The following MACROD2 variants were observed in gnomAD, a reference collection of about 807,000 sequenced individuals.
MACROD2 encodes the protein ADP-ribose glycohydrolase MACROD2.
In MACROD2, 36 loss-of-function variants were observed where a neutral mutation model predicts 70.4. That is an observed-to-expected ratio of 0.51 (90% CI 0.39 to 0.68). MACROD2 has a LOEUF of 0.68. Among genes scored for constraint, MACROD2 ranks in the 30% least tolerant of loss-of-function variants. The probability of loss-of-function intolerance (pLI) is 0.00; values close to 1 mark genes in which losing one functional copy is unlikely to be tolerated. For synonymous variants in MACROD2, 172 were observed against 178.8 expected (o/e 0.96, Z 0.30); for missense variants, 496 against 538.4 (o/e 0.92, Z 0.78).
At chr20:14,780,733 CA>C (rs2072290496) in intron 5 of MACROD2, among the ~76,000 whole-genome samples, 1 of 151,822 alleles carries the variant, frequency 6.6e-6, no homozygotes, top group Non-Finnish European at 1.5e-5. Context: ...AGTAATGAAA[CA>C]AAAGTATGAG....
intron 12 of MACROD2, among the ~76,000 whole-genome samples, chr20:15,948,382 C>CAAAAAAAAAAAAAAAAAA (rs71192307): frequency 3.2e-4 from 14 of 43,136 alleles, no homozygotes; most frequent in East Asian, 6.4e-4. Flanking sequence ...CTTGCAACTG[C>CAAAAAAAAAAAAAAAAAA]AAAAAAAAAA....
intron 2 of MACROD2, among the ~76,000 whole-genome samples, chr20:14,033,058 T>A (rs2053263888): frequency 6.6e-6 from 1 of 151,256 alleles, no homozygotes; most frequent in East Asian, 1.9e-4. Flanking sequence ...AAAGTAGAGT[T>A]TAAATTTCTT....
Position 14,782,716 on chromosome 20 carries a change from C to T in MACROD2, c.418+97757C>T, listed in dbSNP as rs541976912. Among the ~76,000 whole-genome samples the T allele has an allele frequency of 1.3e-5, 2 of 152,144 alleles. 1 individual carries two copies. Among genetic ancestry groups the T allele is most frequent in the Non-Finnish European group, 2.9e-5 (2 of 68,032 alleles). On this transcript the variant is annotated intron_variant, in intron 5 of 17. Coordinates refer to ENST00000684519, the MANE Select transcript of MACROD2 (RefSeq NM_001351661.2). ...TGATGACCGCCTCTCTGCCCAACTT[C>T]TCCCTCTGCCCAGTCCTGCTTCCCT... is the stretch of plus-strand genomic sequence containing the variant.
chr20:15,697,093 G>A (rs1193232253), intron 8 of MACROD2, among the ~76,000 whole-genome samples: 1 of 151,998 alleles, frequency 6.6e-6, no homozygotes, highest in Non-Finnish European at 1.5e-5. Flanking sequence ...TTCGTCTGCG[G>A]GTTTGGGTTT....
chr20:16,010,029 T>C (rs1320474016), intron 15 of MACROD2, among the ~76,000 whole-genome samples: 5 of 152,244 alleles, frequency 3.3e-5, no homozygotes, highest in Non-Finnish European at 7.3e-5. Flanking sequence ...TAGATGATAA[T>C]GGCAGAAGTC....
chr20:15,330,586 T>C (rs751688311), intron 6 of MACROD2, among the ~76,000 whole-genome samples: 4 of 151,608 alleles, frequency 2.6e-5, no homozygotes, highest in Non-Finnish European at 4.4e-5. Flanking sequence ...CTATTTCAAG[T>C]TCTATTTCTA....
intron 10 of MACROD2, chr20:15,893,808 T>G (rs1427178165): frequency 2.2e-6 from 1 of 456,494 alleles, no homozygotes; most frequent in Non-Finnish European, 4.4e-6. Context: ...TCAGGTTGGG[T>G]CTTGAGGGAA....
chr20:14,513,794 CAAAT>C (rs2123154996), intron 4 of MACROD2, among the ~76,000 whole-genome samples: 1 of 152,110 alleles, frequency 6.6e-6, no homozygotes, highest in South Asian at 2.1e-4. Context: ...TTGTGCATCT[CAAAT>C]AATCTCTATC....
chr20:15,000,659 A>AG (rs2074987818), intron 5 of MACROD2, among the ~76,000 whole-genome samples: 5 of 129,444 alleles, frequency 3.9e-5, no homozygotes, highest in Non-Finnish European at 6.3e-5. Context: ...AAAAAAAAAA[A>AG]AAGAGGTAGA....
chr20:14,068,778 A>T (rs2053801969), intron 2 of MACROD2, among the ~76,000 whole-genome samples: 1 of 152,136 alleles, frequency 6.6e-6, no homozygotes, highest in Non-Finnish European at 1.5e-5. Context: ...ATAGGGGCTG[A>T]TAAGATTGGA....
intron 5 of MACROD2, among the ~76,000 whole-genome samples, chr20:14,931,988 T>G: frequency 7.6e-6 from 1 of 131,678 alleles, no homozygotes. Context: ...AGCAACAGAG[T>G]GAGACCCTGT....
At chr20:15,181,732 G>A (rs1379481581) in intron 5 of MACROD2, among the ~76,000 whole-genome samples, 1 of 152,124 alleles carries the variant, frequency 6.6e-6, no homozygotes, top group Non-Finnish European at 1.5e-5. Flanking sequence ...TCACATTCAA[G>A]TCTGAGAAAC....
chr20:14,227,173 G>A (rs1215015000), intron 3 of MACROD2, among the ~76,000 whole-genome samples: 1 of 152,152 alleles, frequency 6.6e-6, no homozygotes, highest in African/African-American at 2.4e-5. Context: ...CTAGCTCAGG[G>A]ATTGTAAAGG....
At chr20:15,548,971 C>T (rs1198592258) in intron 8 of MACROD2, among the ~76,000 whole-genome samples, 1 of 152,190 alleles carries the variant, frequency 6.6e-6, no homozygotes, top group Non-Finnish European at 1.5e-5. Flanking sequence ...AGTCAAGCCT[C>T]AAAGGATTTC....
intron 3 of MACROD2, among the ~76,000 whole-genome samples, chr20:14,318,140 A>G (rs1327252526): frequency 6.6e-6 from 1 of 152,180 alleles, no homozygotes; most frequent in Non-Finnish European, 1.5e-5. Context: ...ATTGATATGA[A>G]CTAGCCTCAG....
chr20:14,960,227 C>T (rs995582388), intron 5 of MACROD2, among the ~76,000 whole-genome samples: 1 of 152,144 alleles, frequency 6.6e-6, no homozygotes, highest in Non-Finnish European at 1.5e-5. Flanking sequence ...TTTCTTCTTC[C>T]CTCCTCAGCC....
chr20:15,433,213 A>ACG, intron 7 of MACROD2, among the ~76,000 whole-genome samples: 1 of 152,104 alleles, frequency 6.6e-6, no homozygotes, highest in South Asian at 2.1e-4. Context: ...GAGCAATCAG[A>ACG]CGAGAGAAAG....
chr20:15,897,770 TA>T (rs2064996135), intron 10 of MACROD2, among the ~76,000 whole-genome samples: 1 of 152,086 alleles, frequency 6.6e-6, no homozygotes, highest in African/African-American at 2.4e-5. Context: ...AAAATACCTT[TA>T]ATAATCTGCA....
intron 10 of MACROD2, among the ~76,000 whole-genome samples, chr20:15,899,231 T>G (rs1475795493): frequency 6.6e-6 from 1 of 152,104 alleles, no homozygotes; most frequent in Non-Finnish European, 1.5e-5. Context: ...TATGTATATA[T>G]GTATATGTGT....
Sources: gnomAD v4.1 joint callset for allele counts (sites outside exome capture counted in the v4.1 genomes callset) on GRCh38, gnomAD v4.1.1 for gene constraint, MANE v1.5 for transcripts, NCBI Gene and HGNC (gene_info 2026-07-23, HGNC 2026-07-21) for gene names.